CPEB2: variants seen among roughly 807,000 people sequenced by gnomAD.
CPEB2 encodes the protein cytoplasmic polyadenylation element binding protein 2.
CPEB2 carries 56 observed loss-of-function variants against 93.6 expected under a neutral mutation model. The observed-to-expected ratio is 0.60, with a 90% CI of 0.48 to 0.75. CPEB2 has a LOEUF of 0.75. Among genes scored for constraint, CPEB2 ranks in the 30% least tolerant of loss-of-function variants. The pLI is 0.00. For synonymous variants in CPEB2, 764 were observed against 586.3 expected (o/e 1.30, Z -4.38); for missense variants, 1,579 against 1,395.1 (o/e 1.13, Z -2.10).
chr4:15,021,055 T>A (rs1200924963), intron 4 of CPEB2, among the ~76,000 whole-genome samples: 2 of 152,164 alleles, frequency 1.3e-5, no homozygotes, highest in Admixed American at 1.3e-4. Context: ...GAAAGGAGGC[T>A]AGCCCTGGCA....
At chr4:15,022,575 A>G (rs1261489014) in intron 4 of CPEB2, among the ~76,000 whole-genome samples, 2 of 152,104 alleles carry the variant, frequency 1.3e-5, no homozygotes, top group Admixed American at 6.6e-5. Flanking sequence ...TAGAATTGAC[A>G]TTCTTTTTCC....
rs1722203694 is a variant in CPEB2, at chr4:15,003,125, C to T, written c.452C>T (p.Ser151Phe). The T allele has an allele frequency of 6.5e-7, 1 of 1,532,996 alleles. No individual in the cohort carries two copies. The allele number at this position is 1,532,996 out of a possible 1,614,324, so 95.0% of individuals were successfully genotyped here. Residue 151 changes from serine (S) to phenylalanine (F), a missense_variant, in exon 1 of 12, where the codon TCC (serine) becomes TTC (phenylalanine). Coordinates refer to ENST00000538197, the MANE Select transcript of CPEB2 (RefSeq NM_001177382.2). ...KPSLHHPSSS[S>F]ASSCCCCRTS... ...AGTCTGCACCACCCCTCCTCCTCCT[C>T]CGCCTCCTCCTGCTGCTGCTGCCGC... is the stretch of plus-strand genomic sequence containing the variant.
rs1002186296 is a variant in CPEB2, at chr4:15,067,451, T to C, written c.*1071T>C. 7 of 152,422 alleles carry C rather than the reference T, an allele frequency of 4.6e-5. No homozygotes were observed. Among genetic ancestry groups the C allele is most frequent in the African/African-American group, 7.2e-5 (3 of 41,406 alleles). The allele number at this position is 152,422 out of a possible 1,614,324, so 9.4% of individuals were successfully genotyped here. A position where few individuals can be genotyped will look rare whatever the true frequency, so the allele number is the denominator to read the frequency against. ...CGGTTCTAATTCATGTGCAGTGATA[T>C]AGTATAGATAAAAGAATGAGTAAAA... On this transcript the variant is annotated 3_prime_UTR_variant, in exon 12 of 12. Coordinates refer to ENST00000538197, the MANE Select transcript of CPEB2 (RefSeq NM_001177382.2).
chr4:15,006,124 C>A (rs1313991148), intron 1 of CPEB2, among the ~76,000 whole-genome samples: 1 of 152,100 alleles, frequency 6.6e-6, no homozygotes, highest in African/African-American at 2.4e-5. Flanking sequence ...GAGAGTAAGG[C>A]CCTCAAGAAT....
chr4:15,062,181 C>T lies in CPEB2; in HGVS notation c.2798C>T (p.Ala933Val). The change falls in exon 11 of 12, where the codon GCT (alanine) becomes GTT (valine). Residue 933 changes from alanine to valine, a missense_variant. Ala to Val is a moderately conservative substitution (Grantham distance 64). Transcript: ENST00000538197. ...LKYPKGAGRV[A>V]FSNQQSYIAA... ...TACCCAAAAGGTGCTGGGCGAGTTG[C>T]TTTCTCCAATCAGCAGAGCTATATT... 1 of 1,612,954 alleles carries T rather than the reference C, an allele frequency of 6.2e-7. No homozygotes were observed. Among genetic ancestry groups the T allele is most frequent in the Non-Finnish European group, 8.5e-7 (1 of 1,179,324 alleles).
chr4:15,063,449 A>G (rs1729396821), intron 11 of CPEB2, among the ~76,000 whole-genome samples: 1 of 151,920 alleles, frequency 6.6e-6, no homozygotes, highest in Non-Finnish European at 1.5e-5. Flanking sequence ...CTGAACATTA[A>G]GAGTTCCTGT....
chr4:15,024,390 T>A (rs1425779800), intron 4 of CPEB2, among the ~76,000 whole-genome samples: 2 of 152,154 alleles, frequency 1.3e-5, no homozygotes, highest in African/African-American at 4.8e-5. Flanking sequence ...ATATGATAAG[T>A]CACTATGGAA....
chr4:15,050,018 A>G (rs1421683392), intron 6 of CPEB2, among the ~76,000 whole-genome samples: 1 of 152,152 alleles, frequency 6.6e-6, no homozygotes, highest in Non-Finnish European at 1.5e-5. Context: ...ATGTGATTTA[A>G]TATATAAACA....
rs192123227 is a variant in CPEB2, at chr4:15,002,775, G to A, written c.102G>A (p.Gly34=). ...AGGCGTATGGTCCTTACGCCGTGGG[G>A]TCCGTCAACCCGCTGCCCTCCGCCA... The part of the protein sequence containing the change: ...CGEAYGPYAV[G]SVNPLPSATP... Residue 34 remains glycine, a synonymous_variant, in exon 1 of 12, where the codon GGG becomes GGA. Coordinates refer to ENST00000538197, the MANE Select transcript of CPEB2 (RefSeq NM_001177382.2). The A allele has an allele frequency of 4.5e-4, 686 of 1,535,562 alleles. 9 individuals are homozygous for A. The East Asian group carries it at 0.012, about 27-fold the overall frequency.
At chr4:15,016,785 C>T (rs748801214) in intron 3 of CPEB2, among the ~76,000 whole-genome samples, 1 of 151,858 alleles carries the variant, frequency 6.6e-6, no homozygotes, top group Non-Finnish European at 1.5e-5. Context: ...AATATTTCCT[C>T]CCAAATATTT....
In CPEB2 at chr4:15,007,554, G is replaced by C. The variant is rs1722985710; in HGVS notation, c.1912G>C (p.Asp638His). Residue 638 changes from aspartate to histidine, a missense_variant, in exon 2 of 12, where the codon GAC becomes CAC. Around this residue, in one of 2 missense-constraint regions of CPEB2, gnomAD observed 1,411 missense variants for 1,056.0 expected, o/e 1.34. Transcript: ENST00000538197. ...GATTGAAGATAATGTGTTCAGAACA[G>C]ACAACAATAGTAATACACTCTTACC... ...SWIEDNVFRTDNNSNTLLPLQ... is the reference protein window; with the variant it reads ...SWIEDNVFRTHNNSNTLLPLQ... The C allele has an allele frequency of 1.2e-6, 2 of 1,606,864 alleles. No individual in the cohort carries two copies. The highest frequency in any genetic ancestry group is 1.7e-6 in the Non-Finnish European group (2 of 1,175,542).
intron 10 of CPEB2, among the ~76,000 whole-genome samples, chr4:15,060,490 G>A (rs1729087402): frequency 6.6e-6 from 1 of 152,076 alleles, no homozygotes; most frequent in Admixed American, 6.6e-5. Flanking sequence ...AGTGGAGAAA[G>A]CCAACTGAAC....
intron 5 of CPEB2, among the ~76,000 whole-genome samples, chr4:15,033,801 C>T (rs572412472): frequency 2.6e-5 from 4 of 152,022 alleles, no homozygotes; most frequent in Non-Finnish European, 5.9e-5. Context: ...TTAGCACTTC[C>T]GTGATTGTGG....
intron 5 of CPEB2, among the ~76,000 whole-genome samples, chr4:15,033,782 T>G (rs1038595446): frequency 1.3e-5 from 2 of 152,132 alleles, no homozygotes; most frequent in South Asian, 4.1e-4. Context: ...ATATTCAGAG[T>G]CTCAGTACTT....
chr4:15,053,834 G>A (rs1212396817), intron 7 of CPEB2, among the ~76,000 whole-genome samples: 1 of 151,782 alleles, frequency 6.6e-6, no homozygotes, highest in Non-Finnish European at 1.5e-5. Flanking sequence ...TTGTGGTTTG[G>A]TGTACTATAA....
intron 6 of CPEB2, among the ~76,000 whole-genome samples, chr4:15,043,847 G>T (rs1047280763): frequency 2.0e-5 from 3 of 152,006 alleles, no homozygotes; most frequent in Admixed American, 2.0e-4. Context: ...AATTTTAAAG[G>T]GAGACAAATG....
Position 15,066,182 on chromosome 4 carries a change from C to T in CPEB2, c.2907C>T (p.Asp969=), listed in dbSNP as rs1461336958. ...AGGTAAAGCCATATGTGCTAGATGA[C>T]CAGATGTGTGATGAATGCCAGGGCG... is the stretch of plus-strand genomic sequence containing the variant. The part of the protein sequence containing the change: ...RVEVKPYVLD[D]QMCDECQGAR... The change falls in exon 12 of 12, where the codon GAC becomes GAT. Residue 969 remains aspartate (D), a synonymous_variant. Coordinates refer to ENST00000538197, the MANE Select transcript of CPEB2 (RefSeq NM_001177382.2). The T allele has an allele frequency of 6.2e-7, 1 of 1,613,158 alleles. No homozygotes were observed. Among genetic ancestry groups the T allele is most frequent in the Non-Finnish European group, 8.5e-7 (1 of 1,179,544 alleles).
Position 15,004,065 on chromosome 4 carries a change from C to A in CPEB2, c.1392C>A (p.Ser464Arg). The part of the protein sequence containing the change: ...PSSMNPAFFP[S>R]FSPVSPHGCT... ...CCATGAACCCGGCCTTCTTCCCTAGCTTCTCGCCCGTGTCGCCGCACGGCT... is the reference window on the plus strand; with the variant it reads ...CCATGAACCCGGCCTTCTTCCCTAGATTCTCGCCCGTGTCGCCGCACGGCT... Residue 464 changes from serine (S) to arginine (R), a missense_variant, in exon 1 of 12, where the codon AGC becomes AGA. Ser to Arg is a moderately radical substitution (Grantham distance 110). Around this residue, in one of 2 missense-constraint regions of CPEB2, gnomAD observed 1,411 missense variants for 1,056.0 expected, o/e 1.34. Transcript: ENST00000538197. 1 of 1,567,012 alleles carries A rather than the reference C, an allele frequency of 6.4e-7. No homozygotes were observed. The highest frequency in any genetic ancestry group is 8.6e-7 in the Non-Finnish European group (1 of 1,159,466).
chr4:15,043,439 A>G (rs1727374036), intron 6 of CPEB2, among the ~76,000 whole-genome samples: 1 of 152,164 alleles, frequency 6.6e-6, no homozygotes, highest in South Asian at 2.1e-4. Context: ...AGCATTAGGA[A>G]GGAAAACGGT....
Sources: allele counts gnomAD v4.1 joint callset (sites outside exome capture counted in the v4.1 genomes callset), GRCh38; gene constraint gnomAD v4.1.1; regional missense constraint gnomAD v4.1.1; transcripts MANE v1.5; gene names NCBI Gene and HGNC (gene_info 2026-07-23, HGNC 2026-07-21).